The following NUDCD3 variants were observed in gnomAD, a reference collection of about 807,000 sequenced individuals.
The protein encoded by NUDCD3 is NudC domain containing 3, also known as nudC domain-containing protein 3.
NUDCD3 carries 13 observed loss-of-function variants against 39.7 expected under a neutral mutation model. The observed-to-expected ratio is 0.33, with a 90% CI of 0.21 to 0.52. NUDCD3 has a LOEUF of 0.52. Among genes scored for constraint, NUDCD3 ranks in the 20% least tolerant of loss-of-function variants. The pLI, the probability that NUDCD3 is intolerant of heterozygous loss-of-function variation, is 0.96. For synonymous variants in NUDCD3, 175 were observed against 172.4 expected, an observed-to-expected ratio of 1.02 and a Z score of -0.12; for missense variants, 453 against 458.1, an observed-to-expected ratio of 0.99 and a Z score of 0.10.
chr7:44,398,659 T>C (rs962371680), intron 4 of NUDCD3, among the ~76,000 whole-genome samples: 1 of 152,214 alleles, frequency 6.6e-6, no homozygotes. Context: ...CCTTCCTTAG[T>C]AACGGAACCT....
intron 2 of NUDCD3, among the ~76,000 whole-genome samples, chr7:44,480,199 C>A (rs1314024492): frequency 6.6e-6 from 1 of 152,152 alleles, no homozygotes; most frequent in Non-Finnish European, 1.5e-5. Flanking sequence ...CTCTACAAAA[C>A]AACAAAGTAG....
chr7:44,476,495 G>A (rs917499747), intron 2 of NUDCD3, among the ~76,000 whole-genome samples: 2 of 152,124 alleles, frequency 1.3e-5, no homozygotes, highest in African/African-American at 4.8e-5. Context: ...GTGACAGCTC[G>A]ATGAGAAGAC....
chr7:44,459,203 C>CTT (rs760120118), intron 2 of NUDCD3, among the ~76,000 whole-genome samples: 1 of 139,730 alleles, frequency 7.2e-6, no homozygotes, highest in East Asian at 2.1e-4. Flanking sequence ...TTAATTTTTT[C>CTT]TTTTTTTTTT....
In NUDCD3 at chr7:44,382,097, C is replaced by G. The variant is rs1798314242; in HGVS notation, c.*3914G>C. 6.6e-6 allele frequency: 1 copy of G among 152,170 alleles called. No homozygotes were observed. The highest frequency in any genetic ancestry group is 2.1e-4 in the South Asian group (1 of 4,820). 9.4% of individuals were successfully genotyped at this position (152,170 alleles called of 1,614,324 possible). ...TGGGTGGTGGGATTGAAAACCCCTA[C>G]CAGACCCCTGTCACACCAAGGAGCC... On this transcript the variant is annotated 3_prime_UTR_variant, in exon 6 of 6. Transcript: ENST00000355451.
At chr7:44,465,924 A>G (rs1052449710) in intron 2 of NUDCD3, among the ~76,000 whole-genome samples, 1 of 152,242 alleles carries the variant, frequency 6.6e-6, no homozygotes, top group Admixed American at 6.5e-5. Flanking sequence ...TCAAATCTAA[A>G]TAAAAGCTAG....
rs538857830 is a variant in NUDCD3 at position 44,464,816 on chromosome 7, G to C, written c.509+20152C>G. ...CTATGGACCAATACCCTTTTAGAAG[G>C]AGCGTTATCCCCATTCCAGCTTTTA... is the stretch of plus-strand genomic sequence containing the variant. On this transcript the variant is annotated intron_variant, in intron 2 of 5. Coordinates refer to ENST00000355451, the MANE Select transcript of NUDCD3 (RefSeq NM_015332.4). Among the ~76,000 whole-genome samples the C allele has an allele frequency of 3.2e-4, 48 of 152,260 alleles. No homozygotes were observed. The South Asian group carries it at 7.3e-3, about 23-fold the overall frequency.
At chr7:44,460,695 T>C (rs1473862180) in intron 2 of NUDCD3, among the ~76,000 whole-genome samples, 1 of 152,112 alleles carries the variant, frequency 6.6e-6, no homozygotes, top group Non-Finnish European at 1.5e-5. Context: ...AAAAACGTAA[T>C]ATGAAGATAT....
At chr7:44,412,905 C>A (rs1448275166) in intron 3 of NUDCD3, among the ~76,000 whole-genome samples, 1 of 128,694 alleles carries the variant, frequency 7.8e-6, no homozygotes, top group South Asian at 2.4e-4. Context: ...CCAGCCTGGG[C>A]GACAGAGCGA....
At chr7:44,468,619 C>CAAGAG (rs1800184951) in intron 2 of NUDCD3, among the ~76,000 whole-genome samples, 4 of 152,100 alleles carry the variant, frequency 2.6e-5, no homozygotes, top group African/African-American at 9.7e-5. Context: ...CTTGCTCATC[C>CAAGAG]ACTGGGAGAG....
intron 2 of NUDCD3, among the ~76,000 whole-genome samples, chr7:44,430,554 CCACACACACACACACTCA>C (rs1428660038): frequency 5.7e-5 from 8 of 140,866 alleles, no homozygotes; most frequent in South Asian, 2.2e-4. Context: ...AATAAAATAC[CCACACACACACACACTCA>C]CACACACACA....
chr7:44,446,551 G>A (rs976516769), intron 2 of NUDCD3, among the ~76,000 whole-genome samples: 11 of 152,196 alleles, frequency 7.2e-5, no homozygotes, highest in Non-Finnish European at 1.5e-4. Flanking sequence ...CTCCAGGCAC[G>A]CCTGCTCTGA....
intron 2 of NUDCD3, among the ~76,000 whole-genome samples, chr7:44,433,377 TG>T (rs1799403201): frequency 6.6e-6 from 1 of 152,154 alleles, no homozygotes; most frequent in African/African-American, 2.4e-5. Flanking sequence ...AATGTGTGTG[TG>T]CCACATGCAT....
intron 4 of NUDCD3, among the ~76,000 whole-genome samples, chr7:44,398,811 G>A (rs1276098537): frequency 6.6e-6 from 1 of 152,208 alleles, no homozygotes; most frequent in African/African-American, 2.4e-5. Context: ...AGCGAGGGCA[G>A]ATAACGGGGT....
intron 1 of NUDCD3, among the ~76,000 whole-genome samples, chr7:44,488,243 G>A (rs1800657887): frequency 6.6e-6 from 1 of 150,834 alleles, no homozygotes; most frequent in African/African-American, 2.4e-5. Flanking sequence ...GCTGAGGCAG[G>A]AGAATTGCTT....
At chr7:44,446,294 C>G (rs1799689768) in intron 2 of NUDCD3, among the ~76,000 whole-genome samples, 1 of 152,168 alleles carries the variant, frequency 6.6e-6, no homozygotes, top group East Asian at 1.9e-4. Flanking sequence ...CCCAGCTCAA[C>G]TTGGAAGGGA....
At chr7:44,489,061 C>T (rs1169824486) in intron 1 of NUDCD3, among the ~76,000 whole-genome samples, 2 of 152,184 alleles carry the variant, frequency 1.3e-5, no homozygotes, top group Non-Finnish European at 2.9e-5. Context: ...GGTTAAACAA[C>T]AGAACAGGAA....
intron 1 of NUDCD3, among the ~76,000 whole-genome samples, chr7:44,489,661 G>T (rs934765565): frequency 3.3e-5 from 5 of 152,034 alleles, no homozygotes; most frequent in Non-Finnish European, 7.4e-5. Context: ...TCTTTACAAT[G>T]GGCTCCATCA....
At chr7:44,437,072 T>TC (rs1314653331) in intron 2 of NUDCD3, among the ~76,000 whole-genome samples, 2 of 145,902 alleles carry the variant, frequency 1.4e-5, no homozygotes, top group Non-Finnish European at 3.0e-5. Flanking sequence ...TTCTTTTCTT[T>TC]TTTTTTTTTT....
intron 2 of NUDCD3, among the ~76,000 whole-genome samples, chr7:44,438,968 G>C (rs1799519923): frequency 6.6e-6 from 1 of 152,158 alleles, no homozygotes; most frequent in Non-Finnish European, 1.5e-5. Context: ...AAGAACAGAA[G>C]TTCTTGCTAC....
Sources: allele counts gnomAD v4.1 joint callset (sites outside exome capture counted in the v4.1 genomes callset), GRCh38; gene constraint gnomAD v4.1.1; transcripts MANE v1.5; gene names NCBI Gene and HGNC (gene_info 2026-07-23, HGNC 2026-07-21).